Variants in POLG observed in about 807,000 individuals in gnomAD.
POLG encodes the protein DNA polymerase subunit gamma-1.
Under a neutral mutation model 155.4 loss-of-function variants are expected in POLG, and 110 were observed. The observed-to-expected ratio is 0.71, with a 90% CI of 0.61 to 0.83. The LOEUF (loss-of-function observed/expected upper bound fraction) is 0.83. POLG is among the 40% of genes least tolerant of loss of function. POLG has a pLI of 0.00. For missense variants in POLG, 1,685 were observed against 1,627.5 expected, an observed-to-expected ratio of 1.04 and a Z score of -0.61; for synonymous variants, 701 against 631.5, an observed-to-expected ratio of 1.11 and a Z score of -1.65.
chr15:89,325,275 A>AGTGAGTGAGTGAGT lies in POLG; in HGVS notation c.1949+174_1949+175insACTCACTCACTCAC, dbSNP rs1567190057. On this transcript the variant is annotated intron_variant, in intron 10 of 22. Coordinates refer to ENST00000268124, the MANE Select transcript of POLG (RefSeq NM_002693.3). ...GAGAGAGAGTGAGTGAGTGAGTGAG[A>AGTGAGTGAGTGAGT]GAGAGAGAAAGAGAGAGAGAGAGGG... Among the ~76,000 whole-genome samples, 4 of 102,166 alleles carry AGTGAGTGAGTGAGT rather than the reference A, an allele frequency of 3.9e-5. 1 individual carries two copies. Among genetic ancestry groups the AGTGAGTGAGTGAGT allele is most frequent in the African/African-American group, 2.2e-4 (4 of 17,982 alleles). 67.0% of individuals were successfully genotyped at this position (102,166 alleles called of 152,430 possible).
At position 89,318,573 on chromosome 15, in the gene POLG, G is replaced by A. The variant is rs774880085; in HGVS notation, c.3450C>T (p.Ala1150=). 7.6e-5 allele frequency: 122 copies of A among 1,613,724 alleles called. No individual in the cohort carries two copies. The highest frequency in any genetic ancestry group is 9.8e-5 in the Non-Finnish European group (116 of 1,180,028). ...LVREEDRYRA[A]LALQITNLLT... is the part of the protein sequence containing the mutation. ...AGAGGTTGGTGATCTGCAAGGCCAGGGCAGCGCGGTAGCGGTCCTCCTCCC... is the reference window on the plus strand; with the variant it reads ...AGAGGTTGGTGATCTGCAAGGCCAGAGCAGCGCGGTAGCGGTCCTCCTCCC... The change falls in exon 21 of 23, where the codon GCC becomes GCT. Residue 1150 remains alanine (A), a synonymous_variant. Coordinates refer to ENST00000268124, the MANE Select transcript of POLG (RefSeq NM_002693.3).
At chr15:89,333,003 G>A in intron 2 of POLG, 93 bp downstream of exon 2, 1 of 1,471,910 alleles carries the variant, frequency 6.8e-7, no homozygotes, top group African/African-American at 1.4e-5. Context: ...TGAGCACCCA[G>A]CCCGTAACAG....
rs71824331 is a variant in POLG, at chr15:89,325,037, AGAGTGAGTGAGT to A, written c.1949+401_1949+412del. On this transcript the variant is annotated intron_variant, in intron 10 of 22. Transcript: ENST00000268124. ...CATGGAAGAAAAAACCTGAACCCAG[AGAGTGAGTGAGT>A]GAGTGAGAGAGTGAGTGAGTGAGTG... 5.1e-4 allele frequency among the ~76,000 whole-genome samples: 36 copies of A among 70,860 alleles called. 4 individuals carry two copies. Among genetic ancestry groups the A allele is most frequent in the African/African-American group, 1.6e-3 (29 of 18,068 alleles). The allele number at this position is 70,860 out of a possible 152,430, so 46.5% of individuals were successfully genotyped here. A position where few individuals can be genotyped will look rare whatever the true frequency, so the allele number is the denominator to read the frequency against.
Position 89,316,656 on chromosome 15 carries a change from C to A in POLG, c.*95G>T. 1 of 1,224,766 alleles carries A rather than the reference C, an allele frequency of 8.2e-7. No individual in the cohort carries two copies. Among genetic ancestry groups the A allele is most frequent in the Non-Finnish European group, 1.2e-6 (1 of 828,940 alleles). 75.9% of individuals were successfully genotyped at this position (1,224,766 alleles called of 1,614,324 possible). On this transcript the variant is annotated 3_prime_UTR_variant, in exon 23 of 23. Coordinates refer to ENST00000268124, the MANE Select transcript of POLG (RefSeq NM_002693.3). ...GAAAAATGGCTGGCCTTAGGCAAGC[C>A]CTTTTGCAAAAAGCACAGCTGAAAG...
chr15:89,318,285 C>T (rs1244001717), intron 21 of POLG, among the ~76,000 whole-genome samples: 2 of 152,212 alleles, frequency 1.3e-5, no homozygotes, highest in East Asian at 3.8e-4. Context: ...AACAATTCCC[C>T]TAACCTCACT....
At position 89,327,305 on chromosome 15, in the gene POLG, A is replaced by G; in HGVS notation, c.1295T>C (p.Val432Ala). ...GTTCTGGTTGACAGGCAGGTAGGAG[A>G]CACCCATCTCCAGCATGCCGGCCAG... Reference protein sequence around the residue: ...VTLAGMLEMGVSYLPVNQNWE... With the variant: ...VTLAGMLEMGASYLPVNQNWE... The change falls in exon 7 of 23, where the codon GTC becomes GCC. Residue 432 changes from valine (V) to alanine (A), a missense_variant. Physicochemically the swap from Val to Ala is moderately conservative, Grantham distance 64. Coordinates refer to ENST00000268124, the MANE Select transcript of POLG (RefSeq NM_002693.3). The G allele has an allele frequency of 6.2e-7, 1 of 1,614,024 alleles. No individual in the cohort carries two copies. The highest frequency in any genetic ancestry group is 8.5e-7 in the Non-Finnish European group (1 of 1,180,022).
rs10637324 is a variant in POLG, at chr15:89,325,107, A to AGT, written c.1949+342_1949+343insAC. ...GAGAGAGTGAGTGAGTGAGAGAGTG[A>AGT]GAGAGAGTGAGTGAGTGAGTGAGAG... On this transcript the variant is annotated intron_variant, in intron 10 of 22. Transcript: ENST00000268124. Among the ~76,000 whole-genome samples, 280 of 36,564 alleles carry AGT rather than the reference A, an allele frequency of 7.7e-3. 34 individuals are homozygous for AGT. The highest frequency in any genetic ancestry group is 0.035 in the African/African-American group (152 of 4,306). 24.0% of individuals were successfully genotyped at this position (36,564 alleles called of 152,430 possible).
At position 89,325,139 on chromosome 15, in the gene POLG, T is replaced by A. The variant is rs368952031; in HGVS notation, c.1949+311A>T. ...GTGAGTGAGTGAGTGAGAGAGTGAG[T>A]GAGAGAGTGAGTGAGTGAGTGAGTG... On this transcript the variant is annotated intron_variant, in intron 10 of 22. Coordinates refer to ENST00000268124, the MANE Select transcript of POLG (RefSeq NM_002693.3). Among the ~76,000 whole-genome samples the A allele has an allele frequency of 2.5e-3, 92 of 36,704 alleles. 4 individuals are homozygous for A. Among genetic ancestry groups the A allele is most frequent in the African/African-American group, 7.8e-3 (58 of 7,482 alleles). The allele number at this position is 36,704 out of a possible 152,430, so 24.1% of individuals were successfully genotyped here. A position where few individuals can be genotyped will look rare whatever the true frequency, so the allele number is the denominator to read the frequency against.
rs989355152 is a variant in POLG, at chr15:89,319,320, C to A, written c.3012G>T (p.Leu1004=). Residue 1004 remains leucine, a synonymous_variant, in exon 19 of 23, where the codon CTG becomes CTT. Transcript: ENST00000268124. ...WYRLSDEGEW[L]VRELNLPVDR... Reference sequence around the variant, plus strand: ...CCACTGGGAGGTTCAACTCCCTCACCAGCCACTCGCCCTCATCCGACAGCC... The same window carrying A: ...CCACTGGGAGGTTCAACTCCCTCACAAGCCACTCGCCCTCATCCGACAGCC... 38 of 1,614,048 alleles carry A rather than the reference C, an allele frequency of 2.4e-5. No individual in the cohort carries two copies. Among genetic ancestry groups the A allele is most frequent in the Non-Finnish European group, 3.1e-5 (36 of 1,180,036 alleles).
In POLG at chr15:89,327,204, G is replaced by C. The variant is rs1364911842; in HGVS notation, c.1396C>G (p.Leu466Val). The change falls in exon 7 of 23, where the codon CTG becomes GTG. Residue 466 changes from leucine to valine, a missense_variant. Transcript: ENST00000268124. ...QREMKKSLMDLANDACQLLSG... is the reference protein window; with the variant it reads ...QREMKKSLMDVANDACQLLSG... ...AGCAGCTGGCAGGCATCATTGGCCA[G>C]ATCCATCAACGACTTCTTCATCTCC... 2 of 1,614,254 alleles carry C rather than the reference G, an allele frequency of 1.2e-6. No individual in the cohort carries two copies. The highest frequency in any genetic ancestry group is 1.7e-6 in the Non-Finnish European group (2 of 1,180,052).
rs766021405 is a variant in POLG, at chr15:89,316,487, T to C, written c.*264A>G. On this transcript the variant is annotated 3_prime_UTR_variant, in exon 23 of 23. Coordinates refer to ENST00000268124, the MANE Select transcript of POLG (RefSeq NM_002693.3). Reference sequence around the variant, plus strand: ...GAAATGCCTGAGTTAATGTGAACTTTGGGGCTTCTGCTTCATTTTTACCCA... The same window carrying C: ...GAAATGCCTGAGTTAATGTGAACTTCGGGGCTTCTGCTTCATTTTTACCCA... 2 of 1,591,934 alleles carry C rather than the reference T, an allele frequency of 1.3e-6. No homozygotes were observed. The highest frequency in any genetic ancestry group is 1.7e-6 in the Non-Finnish European group (2 of 1,167,074).
At chr15:89,331,395 G>C (rs2055592356) in intron 2 of POLG, among the ~76,000 whole-genome samples, 1 of 152,138 alleles carries the variant, frequency 6.6e-6, no homozygotes, top group Admixed American at 6.5e-5. Context: ...GGTGGTAACA[G>C]GAACTTTGGT....
chr15:89,322,756 G>A lies in POLG; in HGVS notation c.2412C>T (p.Ala804=). The change falls in exon 14 of 23, where the codon GCC becomes GCT. Residue 804 remains alanine (A), a synonymous_variant. Transcript: ENST00000268124. ...INKMISFWRN[A]HKRISSQMVV... ...TGGTGGCCCACCTGATACGTTTATG[G>A]GCGTTCCTCCAGAAAGAAATCATTT... is the stretch of plus-strand genomic sequence containing the variant. The A allele has an allele frequency of 6.2e-7, 1 of 1,614,090 alleles. No individual in the cohort carries two copies. Among genetic ancestry groups the A allele is most frequent in the South Asian group, 1.1e-5 (1 of 91,068 alleles).
intron 18 of POLG, 72 bp from the exon 19 acceptor site, chr15:89,319,422 G>A: frequency 6.3e-7 from 1 of 1,589,072 alleles, no homozygotes; most frequent in East Asian, 2.2e-5. Context: ...GGCAAGGAAT[G>A]TTCACATATC....
Position 89,321,835 on chromosome 15 carries a change from C to T in POLG, c.2499G>A (p.Glu833=), listed in dbSNP as rs1209332881. 6.2e-7 allele frequency: 1 copy of T among 1,614,084 alleles called. No homozygotes were observed. Residue 833 remains glutamate (E), a synonymous_variant, in exon 16 of 23, where the codon GAG becomes GAA. Transcript: ENST00000268124. ...GCAGGATGGCCCCATAGAGGCCTTCCTCATCATAGTCGGGGTGCCTGGTGG... is the reference window on the plus strand; with the variant it reads ...GCAGGATGGCCCCATAGAGGCCTTCTTCATCATAGTCGGGGTGCCTGGTGG... ...RAVIRHPDYD[E]EGLYGAILPQ...
rs1341432047 is a variant in POLG at position 89,333,712 on chromosome 15, C to A, written c.43G>T (p.Gly15Trp). ...CCCGGAGCTGGAACCGGCCCTGGCCCGACGGTGGCGCCGGCCACCTTCCTC... is the reference window on the plus strand; with the variant it reads ...CCCGGAGCTGGAACCGGCCCTGGCCAGACGGTGGCGCCGGCCACCTTCCTC... ...LWRKVAGATV[G>W]PGPVPAPGRW... Residue 15 changes from glycine (G) to tryptophan (W), a missense_variant, in exon 2 of 23, where the codon GGG becomes TGG. Coordinates refer to ENST00000268124, the MANE Select transcript of POLG (RefSeq NM_002693.3). 6.5e-7 allele frequency: 1 copy of A among 1,537,320 alleles called. No individual in the cohort carries two copies. Among genetic ancestry groups the A allele is most frequent in the South Asian group, 1.2e-5 (1 of 84,450 alleles).
At chr15:89,330,898 A>G (rs983191907) in intron 2 of POLG, among the ~76,000 whole-genome samples, 6 of 148,586 alleles carry the variant, frequency 4.0e-5, no homozygotes, top group Non-Finnish European at 9.0e-5. Context: ...TGTGTATGTG[A>G]CAGGGTTGGG....
chr15:89,317,454 G>A lies in POLG; in HGVS notation c.3565C>T (p.Leu1189Phe). 6.2e-7 allele frequency: 1 copy of A among 1,614,020 alleles called. No homozygotes were observed. Among genetic ancestry groups the A allele is most frequent in the African/African-American group, 1.3e-5 (1 of 74,998 alleles). Residue 1189 changes from leucine (L) to phenylalanine (F), a missense_variant, in exon 22 of 23, where the codon CTC (leucine) becomes TTC (phenylalanine). By Grantham distance (22) the Leu-to-Phe change is conservative. Around this residue, in one of 3 missense-constraint regions of POLG, gnomAD observed 470 missense variants for 439.9 expected, o/e 1.07. Coordinates refer to ENST00000268124, the MANE Select transcript of POLG (RefSeq NM_002693.3). ...FFSAVDIDRC[L>F]RKEVTMDCKT... is the part of the protein sequence containing the mutation. ...CAATCCATGGTCACTTCCTTCCTGAGGCACCGGTCAATATCGACTGCACTG... is the reference window on the plus strand; with the variant it reads ...CAATCCATGGTCACTTCCTTCCTGAAGCACCGGTCAATATCGACTGCACTG...
At position 89,322,884 on chromosome 15, in the gene POLG, C is replaced by T; in HGVS notation, c.2284G>A (p.Val762Met). Residue 762 changes from valine to methionine, a missense_variant, in exon 14 of 23, where the codon GTG becomes ATG. Physicochemically the swap from Val to Met is conservative, Grantham distance 21. Coordinates refer to ENST00000268124, the MANE Select transcript of POLG (RefSeq NM_002693.3). ...LPHKDGNSCNVGSPFAKDFLP... is the reference protein window; with the variant it reads ...LPHKDGNSCNMGSPFAKDFLP... The stretch of plus-strand genomic sequence containing the variant: ...AAGTCCTTGGCAAAGGGGCTTCCCA[C>T]ATTACAGCTATTACCATCCTGGACA... 6.2e-7 allele frequency: 1 copy of T among 1,613,184 alleles called. No homozygotes were observed. The highest frequency in any genetic ancestry group is 8.5e-7 in the Non-Finnish European group (1 of 1,179,906).
Sources: allele counts gnomAD v4.1 joint callset (sites outside exome capture counted in the v4.1 genomes callset), GRCh38; gene constraint gnomAD v4.1.1; regional missense constraint gnomAD v4.1.1; transcripts MANE v1.5; gene names NCBI Gene and HGNC (gene_info 2026-07-23, HGNC 2026-07-21).